The following VPS26B variants were observed in gnomAD, a reference collection of about 807,000 sequenced individuals.
VPS26B encodes the protein VPS26 retromer complex component B, also known as vacuolar protein sorting-associated protein 26B.
Under a neutral mutation model 33.3 loss-of-function variants are expected in VPS26B, and 10 were observed. That is an observed-to-expected ratio of 0.30 (90% CI 0.19 to 0.51). VPS26B has a LOEUF of 0.51. VPS26B is among the 20% of genes least tolerant of loss of function. The pLI, the probability that VPS26B is intolerant of heterozygous loss-of-function variation, is 0.98. For synonymous variants in VPS26B, 190 were observed against 176.9 expected (o/e 1.07, Z -0.59); for missense variants, 317 against 452.7 (o/e 0.70, Z 2.72).
chr11:134,238,708 G>A (rs1020980725), intron 2 of VPS26B, among the ~76,000 whole-genome samples: 2 of 152,092 alleles, frequency 1.3e-5, no homozygotes, highest in Non-Finnish European at 2.9e-5. Flanking sequence ...CCATTCTCCT[G>A]CCTCAGCCTC....
chr11:134,233,495 G>A (rs924357176), intron 1 of VPS26B, among the ~76,000 whole-genome samples: 6 of 152,286 alleles, frequency 3.9e-5, no homozygotes, highest in South Asian at 2.1e-4. Context: ...AGGCCAAGGC[G>A]GTTAGATCAC....
intron 1 of VPS26B, among the ~76,000 whole-genome samples, chr11:134,228,563 A>T (rs1224831100): frequency 6.6e-6 from 1 of 152,134 alleles, no homozygotes; most frequent in Non-Finnish European, 1.5e-5. Flanking sequence ...TGTAAAAGGG[A>T]GTTTGTGTTC....
rs75292948 is a variant in VPS26B at position 134,237,518 on chromosome 11, A to G, written c.380+2465A>G. Among the ~76,000 whole-genome samples, 16 of 152,328 alleles carry G rather than the reference A, an allele frequency of 1.1e-4. No individual in the cohort carries two copies. In the East Asian group the frequency reaches 2.3e-3, roughly 22 times the overall value. ...CAATTGGAAGCGCAGACCTGGCACTAAGGACAGAGGGGACACTTAGAAATG... is the reference window on the plus strand; with the variant it reads ...CAATTGGAAGCGCAGACCTGGCACTGAGGACAGAGGGGACACTTAGAAATG... On this transcript the variant is annotated intron_variant, in intron 2 of 5. Coordinates refer to ENST00000281187, the MANE Select transcript of VPS26B (RefSeq NM_052875.5).
At chr11:134,226,300 G>C (rs899440373) in intron 1 of VPS26B, among the ~76,000 whole-genome samples, 1 of 152,090 alleles carries the variant, frequency 6.6e-6, no homozygotes, top group East Asian at 1.9e-4. Flanking sequence ...TAGCTCCTCG[G>C]GGGGCTAAGA....
chr11:134,230,869 A>T (rs1406852018), intron 1 of VPS26B, among the ~76,000 whole-genome samples: 1 of 152,198 alleles, frequency 6.6e-6, no homozygotes, highest in Non-Finnish European at 1.5e-5. Context: ...TACCTAGGAT[A>T]CTTTTCCAGT....
At chr11:134,226,715 T>C (rs192326602) in intron 1 of VPS26B, among the ~76,000 whole-genome samples, 2 of 152,160 alleles carry the variant, frequency 1.3e-5, no homozygotes, top group Non-Finnish European at 2.9e-5. Context: ...AACTCTCTTA[T>C]CCTGAGAGTT....
Position 134,245,867 on chromosome 11 carries a change from G to C in VPS26B, c.*277G>C. 4.6e-6 allele frequency: 2 copies of C among 435,544 alleles called. No individual in the cohort carries two copies. The highest frequency in any genetic ancestry group is 6.6e-5 in the South Asian group (2 of 30,514). The allele number at this position is 435,544 out of a possible 1,614,324, so 27.0% of individuals were successfully genotyped here. ...GGGGAACATGAGCCCCCTTCCTCGG[G>C]GGGCTGCCTTGCGTCTTAGAGGAGG... On this transcript the variant is annotated 3_prime_UTR_variant, in exon 6 of 6. Coordinates refer to ENST00000281187, the MANE Select transcript of VPS26B (RefSeq NM_052875.5). The surrounding 1 kb of genome is among the most constrained non-coding windows in gnomAD (Gnocchi z 4.7).
chr11:134,229,850 G>A (rs894820661), intron 1 of VPS26B, among the ~76,000 whole-genome samples: 4 of 152,132 alleles, frequency 2.6e-5, no homozygotes, highest in African/African-American at 9.7e-5. Context: ...GTTAATGGGG[G>A]AAAGTATATC....
chr11:134,230,901 A>G (rs992323875), intron 1 of VPS26B, among the ~76,000 whole-genome samples: 1 of 152,212 alleles, frequency 6.6e-6, no homozygotes, highest in Non-Finnish European at 1.5e-5. Flanking sequence ...TGTTCTAACA[A>G]TGCCAACACA....
chr11:134,227,675 A>G (rs1938499497), intron 1 of VPS26B, among the ~76,000 whole-genome samples: 1 of 152,198 alleles, frequency 6.6e-6, no homozygotes, highest in Admixed American at 6.5e-5. Flanking sequence ...TGAGTTGACC[A>G]TGAGACTGGG....
chr11:134,232,456 C>T (rs995682788), intron 1 of VPS26B, among the ~76,000 whole-genome samples: 1 of 152,230 alleles, frequency 6.6e-6, no homozygotes, highest in African/African-American at 2.4e-5. Flanking sequence ...ACACTGGCCA[C>T]TCTTCCATGA....
intron 3 of VPS26B, among the ~76,000 whole-genome samples, chr11:134,242,300 G>A (rs1393584931): frequency 6.6e-6 from 1 of 152,080 alleles, no homozygotes; most frequent in Non-Finnish European, 1.5e-5. Flanking sequence ...TAGGATCCTG[G>A]GTTTACCACC....
chr11:134,238,079 A>G (rs1938659415), intron 2 of VPS26B, among the ~76,000 whole-genome samples: 1 of 152,146 alleles, frequency 6.6e-6, no homozygotes, highest in South Asian at 2.1e-4. Context: ...AGGCTTCCAC[A>G]TTAGAATCAT....
chr11:134,242,370 A>G (rs940568645), intron 3 of VPS26B, among the ~76,000 whole-genome samples: 2 of 152,188 alleles, frequency 1.3e-5, no homozygotes, highest in African/African-American at 4.8e-5. Flanking sequence ...TTTTCTTCCA[A>G]CTGCCTTTTC....
chr11:134,245,745 G>C lies in VPS26B; in HGVS notation c.*155G>C. ...TTTTTGACTTAAATTCTTTTCTCTG[G>C]AGAACCCAAGGGGCTTGGGGTGGGA... On this transcript the variant is annotated 3_prime_UTR_variant, in exon 6 of 6. Coordinates refer to ENST00000281187, the MANE Select transcript of VPS26B (RefSeq NM_052875.5). The surrounding 1 kb of genome is among the most constrained non-coding windows in gnomAD (Gnocchi z 4.7). 2.7e-6 allele frequency: 3 copies of C among 1,091,016 alleles called. No individual in the cohort carries two copies. The highest frequency in any genetic ancestry group is 3.3e-5 in the South Asian group (2 of 60,738). 67.6% of individuals were successfully genotyped at this position (1,091,016 alleles called of 1,614,324 possible). A position where few individuals can be genotyped will look rare whatever the true frequency, so the allele number is the denominator to read the frequency against.
At chr11:134,238,870 C>T (rs1231371259) in intron 2 of VPS26B, among the ~76,000 whole-genome samples, 2 of 152,200 alleles carry the variant, frequency 1.3e-5, no homozygotes, top group Non-Finnish European at 2.9e-5. Flanking sequence ...GCTGGGATTA[C>T]AGGCGTGAAC....
In VPS26B at chr11:134,246,217, G is replaced by A. The variant is rs1249427801; in HGVS notation, c.*627G>A. ...TCTCTGGATTGTCAGTAATGTCCTG[G>A]AACAGAAGCCTGTGGGATGGCCTTG... On this transcript the variant is annotated 3_prime_UTR_variant, in exon 6 of 6. Transcript: ENST00000281187. The A allele has an allele frequency of 6.5e-6, 1 of 152,936 alleles. No homozygotes were observed. Among genetic ancestry groups the A allele is most frequent in the Non-Finnish European group, 1.5e-5 (1 of 68,632 alleles). The allele number at this position is 152,936 out of a possible 1,614,324, so 9.5% of individuals were successfully genotyped here.
At chr11:134,234,833 C>T (rs1938607225) in intron 1 of VPS26B, 64 bp from the exon 2 acceptor site, 9 of 1,573,428 alleles carry the variant, frequency 5.7e-6, no homozygotes, top group South Asian at 3.6e-5. Flanking sequence ...CTCCAGCCCC[C>T]TACTCGGCCC....
At chr11:134,243,512 T>C in intron 4 of VPS26B, 1 of 573,810 alleles carries the variant, frequency 1.7e-6, no homozygotes, top group Admixed American at 3.2e-5. Flanking sequence ...CCCTGAAAAG[T>C]TGCACTTAGA....
Sources: allele counts gnomAD v4.1 joint callset (sites outside exome capture counted in the v4.1 genomes callset), GRCh38; gene constraint gnomAD v4.1.1; non-coding constraint Gnocchi (gnomAD v3.1); transcripts MANE v1.5; gene names NCBI Gene and HGNC (gene_info 2026-07-23, HGNC 2026-07-21).